TTN: variants seen among roughly 807,000 people sequenced by gnomAD.
TTN encodes titin, also known as connectin.
In TTN, 1,525 loss-of-function variants were observed where a neutral mutation model predicts 3,223.0. The ratio of observed to expected loss-of-function variants is 0.47; its 90% confidence interval spans 0.45 to 0.49. The LOEUF (loss-of-function observed/expected upper bound fraction) is 0.49, where lower values mean the gene tolerates loss of function less well. TTN is among the 20% of genes least tolerant of loss of function. TTN has a pLI of 0.00. For synonymous variants in TTN, 14,094 were observed against 15,161.0 expected (o/e 0.93, Z 5.17); for missense variants, 40,786 against 43,424.0 (o/e 0.94, Z 5.40).
Position 178,557,818 on chromosome 2 carries a change from T to G in TTN, c.87536A>C (p.Glu29179Ala). The part of the protein sequence containing the change: ...QVTNYILLKR[E>A]TSTAVWTEVS... The stretch of plus-strand genomic sequence containing the variant: ...TTCAGTCCACACTGCAGTACTTGTT[T>G]CTCTTTTGAGTAGAATGTAGTTGGT... The change falls in exon 328 of 363, where the codon GAA becomes GCA. Residue 29179 changes from glutamate (E) to alanine (A), a missense_variant. Transcript: ENST00000589042. 6.2e-7 allele frequency: 1 copy of G among 1,613,958 alleles called. No individual in the cohort carries two copies. The highest frequency in any genetic ancestry group is 1.3e-5 in the African/African-American group (1 of 75,052).
intron 6 of TTN, among the ~76,000 whole-genome samples, chr2:178,797,652 G>T (rs748456782): frequency 4.6e-5 from 7 of 151,996 alleles, no homozygotes; most frequent in Non-Finnish European, 7.4e-5. Flanking sequence ...GGCTGGTGTT[G>T]TCTACCTTGT....
rs774219643 is a variant in TTN at position 178,532,857 on chromosome 2, T to A, written c.103758A>T (p.Arg34586Ser). Reference protein sequence around the residue: ...DQYEMPGKLDRVVQKRPKRIR... With the variant: ...DQYEMPGKLDSVVQKRPKRIR... The stretch of plus-strand genomic sequence containing the variant: ...TGCGCTTGGGTCGTTTCTGTACAAC[T>A]CTGTCAAGTTTCCCAGGCATTTCAT... The change falls in exon 358 of 363, where the codon AGA (arginine) becomes AGT (serine). Residue 34586 changes from arginine (R) to serine (S), a missense_variant. Transcript: ENST00000589042. The A allele has an allele frequency of 1.7e-5, 28 of 1,613,974 alleles. No individual in the cohort carries two copies. The South Asian group carries it at 3.1e-4, about 18-fold the overall frequency.
rs755365744 is a variant in TTN, at chr2:178,785,743, C to T, written c.2371-1G>A. 1.6e-5 allele frequency: 26 copies of T among 1,614,022 alleles called. No individual in the cohort carries two copies. In the Admixed American group the frequency reaches 3.8e-4, roughly 24 times the overall value. On this transcript the variant is annotated splice_acceptor_variant, in intron 14 of 362. Transcript: ENST00000589042. LOFTEE classifies it high-confidence loss of function. The stretch of plus-strand genomic sequence containing the variant: ...TTGTTAGATCTGTAGTTTTCTTGAT[C>T]TGCATTGAAATGAAACTCAGTGATA...
Position 178,725,329 on chromosome 2 carries a change from C to G in TTN, c.20836+39G>C, listed in dbSNP as rs75206538. On this transcript the variant is annotated intron_variant, in intron 71 of 362. Transcript: ENST00000589042. ...AGTAACTCTTAGTAATTCATTCCAG[C>G]ATTTGGCACCAGTTTCTATCGTGGG... 20 of 1,428,758 alleles carry G rather than the reference C, an allele frequency of 1.4e-5. No homozygotes were observed. The African/African-American group carries it at 2.6e-4, about 19-fold the overall frequency. 88.5% of individuals were successfully genotyped at this position (1,428,758 alleles called of 1,614,324 possible).
At position 178,554,478 on chromosome 2, in the gene TTN, A is replaced by C. The variant is rs753493628; in HGVS notation, c.88869T>G (p.Asp29623Glu). The C allele has an allele frequency of 1.9e-6, 3 of 1,613,568 alleles. No homozygotes were observed. Among genetic ancestry groups the C allele is most frequent in the Non-Finnish European group, 2.5e-6 (3 of 1,179,744 alleles). ...CAAATGCGTTCTTGGCTACAACGGAATCAGATTCCAGTGGCTCGCCAATTC... is the reference window on the plus strand; with the variant it reads ...CAAATGCGTTCTTGGCTACAACGGACTCAGATTCCAGTGGCTCGCCAATTC... ...KYGIGEPLES[D>E]SVVAKNAFVT... The change falls in exon 332 of 363, where the codon GAT becomes GAG. Residue 29623 changes from aspartate to glutamate, a missense_variant. Asp to Glu is a conservative substitution (Grantham distance 45). Coordinates refer to ENST00000589042, the MANE Select transcript of TTN (RefSeq NM_001267550.2).
At position 178,727,081 on chromosome 2, in the gene TTN, G is replaced by T. The variant is rs1241874371; in HGVS notation, c.20275+9C>A. ...CATTTAATGAGAAACACAAGAACAA[G>T]ATGTCTACCTTTTACTATAACCTTG... On this transcript the variant is annotated intron_variant, in intron 69 of 362. Coordinates refer to ENST00000589042, the MANE Select transcript of TTN (RefSeq NM_001267550.2). 1 of 1,484,366 alleles carries T rather than the reference G, an allele frequency of 6.7e-7. No homozygotes were observed. Among genetic ancestry groups the T allele is most frequent in the Non-Finnish European group, 9.0e-7 (1 of 1,112,610 alleles). 91.9% of individuals were successfully genotyped at this position (1,484,366 alleles called of 1,614,324 possible).
chr2:178,683,185 C>T (rs1264811541), intron 134 of TTN, 26 bp downstream of exon 134: 61 of 1,464,788 alleles, frequency 4.2e-5, no homozygotes, highest in Non-Finnish European at 4.6e-5. Context: ...TCATGCCTCA[C>T]ATTACTTAAT....
chr2:178,695,779 G>T, intron 114 of TTN, 86 bp downstream of exon 114: 1 of 1,076,464 alleles, frequency 9.3e-7, no homozygotes, highest in Non-Finnish European at 1.3e-6. Flanking sequence ...CACATAAACT[G>T]CAAATCAGGT....
chr2:178,582,111 G>T lies in TTN; in HGVS notation c.66258C>A (p.Pro22086=). The T allele has an allele frequency of 6.2e-7, 1 of 1,612,876 alleles. No homozygotes were observed. The highest frequency in any genetic ancestry group is 8.5e-7 in the Non-Finnish European group (1 of 1,179,516). The part of the protein sequence containing the change: ...WKPPADDGGS[P]ITGYLLEKRE... The stretch of plus-strand genomic sequence containing the variant: ...GCTTTTCAAGCAAATAGCCAGTGAT[G>T]GGTGAGCCCCCATCATCTGCTGGTG... The change falls in exon 315 of 363, where the codon CCC becomes CCA. Residue 22086 remains proline, a synonymous_variant. Coordinates refer to ENST00000589042, the MANE Select transcript of TTN (RefSeq NM_001267550.2).
At position 178,579,473 on chromosome 2, in the gene TTN, G is replaced by T. The variant is rs536472367; in HGVS notation, c.67637-80C>A. On this transcript the variant is annotated intron_variant, in intron 319 of 362. Coordinates refer to ENST00000589042, the MANE Select transcript of TTN (RefSeq NM_001267550.2). ...TTTCAAATAGTTCTAGCTTTTAACG[G>T]ATTTTTAGATAAGCTAGTGAGTGGG... The T allele has an allele frequency of 4.5e-6, 7 of 1,569,360 alleles. No individual in the cohort carries two copies. The Admixed American group carries it at 1.2e-4, about 28-fold the overall frequency.
Position 178,539,399 on chromosome 2 carries a change from G to C in TTN, c.98666C>G (p.Thr32889Arg). 1 of 1,611,746 alleles carries C rather than the reference G, an allele frequency of 6.2e-7. No homozygotes were observed. The highest frequency in any genetic ancestry group is 8.5e-7 in the Non-Finnish European group (1 of 1,178,114). Residue 32889 changes from threonine to arginine, a missense_variant, in exon 352 of 363, where the codon ACA (threonine) becomes AGA (arginine). By Grantham distance (71) the Thr-to-Arg change is moderately conservative. Transcript: ENST00000589042. ...SKPLKSEEPV[T>R]PKTPLNPPEP... ...GCACTTACTCAATGGTGTTTTTGGT[G>C]TGACTGGTTCCTCAGATTTCAAGGG...
At chr2:178,708,184 G>A (rs1342073166) in intron 99 of TTN, among the ~76,000 whole-genome samples, 1 of 151,956 alleles carries the variant, frequency 6.6e-6, no homozygotes, top group Non-Finnish European at 1.5e-5. Context: ...GAAAATGAAG[G>A]GCTTATTTGG....
chr2:178,531,065 A>C lies in TTN; in HGVS notation c.105550T>G (p.Ser35184Ala). The change falls in exon 358 of 363, where the codon TCA (serine) becomes GCA (alanine). Residue 35184 changes from serine (S) to alanine (A), a missense_variant. Ser to Ala is a moderately conservative substitution (Grantham distance 99). Coordinates refer to ENST00000589042, the MANE Select transcript of TTN (RefSeq NM_001267550.2). ...RHQVTTTKYK[S>A]TFEISSVQAS... is the part of the protein sequence containing the mutation. ...TGGACTGAAGAGATCTCAAAGGTTG[A>C]TTTGTACTTTGTGGTGGTCACTTGG... The C allele has an allele frequency of 6.2e-7, 1 of 1,613,828 alleles. No homozygotes were observed.
intron 152 of TTN, among the ~76,000 whole-genome samples, chr2:178,673,426 G>C (rs1377762954): frequency 6.6e-6 from 1 of 151,588 alleles, no homozygotes; most frequent in Non-Finnish European, 1.5e-5. Flanking sequence ...GAAGCTTCTA[G>C]AATAATTCAT....
In TTN at chr2:178,736,040, C is replaced by T. The variant is rs1433708409; in HGVS notation, c.14406G>A (p.Lys4802=). The T allele has an allele frequency of 6.2e-7, 1 of 1,605,934 alleles. No individual in the cohort carries two copies. The highest frequency in any genetic ancestry group is 8.5e-7 in the Non-Finnish European group (1 of 1,175,454). Residue 4802 remains lysine, a synonymous_variant, in exon 50 of 363, where the codon AAG becomes AAA. Coordinates refer to ENST00000589042, the MANE Select transcript of TTN (RefSeq NM_001267550.2). ...CCTTACCCACAAAAGTTGTAAGGGA[C>T]TTAGGTCTGGAGAGAAAGGTTGGTG... ...AYPPTFLSRP[K]SLTTFVGKAA... is the part of the protein sequence containing the mutation.
In TTN at chr2:178,604,095, T is replaced by C; in HGVS notation, c.54592A>G (p.Ile18198Val). ...CTTTTCTCCAGCCAGTAGCCAGTAA[T>C]TGGAGAGCCACCATTGTCCAAAGGA... The part of the protein sequence containing the change: ...TPPLDNGGSP[I>V]TGYWLEKREE... Residue 18198 changes from isoleucine (I) to valine (V), a missense_variant, in exon 282 of 363, where the codon ATT becomes GTT. By Grantham distance (29) the Ile-to-Val change is conservative. Coordinates refer to ENST00000589042, the MANE Select transcript of TTN (RefSeq NM_001267550.2). The C allele has an allele frequency of 2.5e-6, 4 of 1,612,730 alleles. 1 individual carries two copies. Among genetic ancestry groups the C allele is most frequent in the Non-Finnish European group, 3.4e-6 (4 of 1,179,098 alleles).
chr2:178,554,391 G>T (rs1358295427), intron 332 of TTN, 62 bp downstream of exon 332: 1 of 1,548,710 alleles, frequency 6.5e-7, no homozygotes. Flanking sequence ...CATATGCACA[G>T]GTTAGCGTAG....
intron 219 of TTN, 131 bp downstream of exon 219, chr2:178,642,106 A>T: frequency 3.0e-6 from 2 of 658,366 alleles, no homozygotes; most frequent in Non-Finnish European, 4.6e-6. Context: ...ATTTTCAATG[A>T]AACTACAAAC....
Position 178,561,156 on chromosome 2 carries a change from G to T in TTN, c.84976C>A (p.Arg28326=). 1 of 1,613,592 alleles carries T rather than the reference G, an allele frequency of 6.2e-7. No homozygotes were observed. Among genetic ancestry groups the T allele is most frequent in the South Asian group, 1.1e-5 (1 of 91,072 alleles). Residue 28326 remains arginine, a synonymous_variant, in exon 326 of 363, where the codon CGG becomes AGG. Transcript: ENST00000589042. The part of the protein sequence containing the change: ...ELTEDQRYEF[R]VFARNAADSV... Reference sequence around the variant, plus strand: ...TCAGCAGCATTCCTTGCAAAAACCCGGAATTCATAACGCTGATCTTCAGTA... The same window carrying T: ...TCAGCAGCATTCCTTGCAAAAACCCTGAATTCATAACGCTGATCTTCAGTA...
Sources: allele counts gnomAD v4.1 joint callset (sites outside exome capture counted in the v4.1 genomes callset), GRCh38; gene constraint gnomAD v4.1.1; transcripts MANE v1.5; gene names NCBI Gene and HGNC (gene_info 2026-07-23, HGNC 2026-07-21).